Variants in UNC80 observed in about 807,000 individuals in gnomAD.
The protein encoded by UNC80 is protein unc-80 homolog.
In UNC80, 164 loss-of-function variants were observed where a neutral mutation model predicts 384.6. The observed-to-expected ratio is 0.43, with a 90% CI of 0.38 to 0.49. UNC80 has a LOEUF of 0.49. UNC80 is among the 20% of genes least tolerant of loss of function. The pLI is 0.00. For synonymous variants in UNC80, 1,486 were observed against 1,527.8 expected (o/e 0.97, Z 0.64); for missense variants, 3,330 against 4,143.0 (o/e 0.80, Z 5.39).
intron 47 of UNC80, among the ~76,000 whole-genome samples, chr2:209,946,495 G>A (rs1184076989): frequency 6.6e-6 from 1 of 152,110 alleles, no homozygotes; most frequent in Non-Finnish European, 1.5e-5. Flanking sequence ...TTTGAATTTT[G>A]TGCAGATGCT....
In UNC80 at chr2:209,820,171, A is replaced by G. The variant is rs188767895; in HGVS notation, c.1963-140A>G. Reference sequence around the variant, plus strand: ...GATTCCACAGCAACTTTTATAGGAAAATTTGACAGTTGTCTAAATTATTTC... The same window carrying G: ...GATTCCACAGCAACTTTTATAGGAAGATTTGACAGTTGTCTAAATTATTTC... On this transcript the variant is annotated intron_variant, in intron 12 of 64. Transcript: ENST00000673920. The G allele has an allele frequency of 3.6e-5, 47 of 1,297,334 alleles. 1 individual carries two copies. The African/African-American group carries it at 6.0e-4, about 17-fold the overall frequency. The allele number at this position is 1,297,334 out of a possible 1,614,324, so 80.4% of individuals were successfully genotyped here. A position where few individuals can be genotyped will look rare whatever the true frequency, so the allele number is the denominator to read the frequency against.
chr2:209,937,329 T>C (rs533848204), intron 41 of UNC80, among the ~76,000 whole-genome samples, 200 bp from the exon 42 acceptor site: 1 of 152,316 alleles, frequency 6.6e-6, no homozygotes, highest in African/African-American at 2.4e-5. Flanking sequence ...GCTGATCTGA[T>C]CTAATGAGCA....
chr2:209,930,225 T>G (rs1027002664), intron 37 of UNC80, among the ~76,000 whole-genome samples: 1 of 152,136 alleles, frequency 6.6e-6, no homozygotes, highest in African/African-American at 2.4e-5. Context: ...AAGATTAAAT[T>G]AAGTATAATG....
At chr2:209,834,577 T>C (rs999785265) in intron 17 of UNC80, among the ~76,000 whole-genome samples, 5 of 152,234 alleles carry the variant, frequency 3.3e-5, no homozygotes, top group Admixed American at 6.5e-5. Context: ...GATTAAGTAA[T>C]AGCCTGTTGT....
In UNC80 at chr2:209,997,268, G is replaced by A. The variant is rs552019121; in HGVS notation, c.*1673G>A. The A allele has an allele frequency of 1.3e-5, 2 of 152,218 alleles. No individual in the cohort carries two copies. Among genetic ancestry groups the A allele is most frequent in the Non-Finnish European group, 2.9e-5 (2 of 67,982 alleles). 9.4% of individuals were successfully genotyped at this position (152,218 alleles called of 1,614,324 possible). On this transcript the variant is annotated 3_prime_UTR_variant, in exon 65 of 65. Transcript: ENST00000673920. Reference sequence around the variant, plus strand: ...TAAATGACCTCTTTTACTCTTTTATGTTTTACAATATTATCATGTTATTTA... The same window carrying A: ...TAAATGACCTCTTTTACTCTTTTATATTTTACAATATTATCATGTTATTTA...
intron 23 of UNC80, among the ~76,000 whole-genome samples, chr2:209,875,645 A>G (rs971813862): frequency 1.3e-5 from 2 of 152,190 alleles, no homozygotes; most frequent in Non-Finnish European, 2.9e-5. Context: ...GCCTTCCTGT[A>G]CATTATTTCC....
intron 23 of UNC80, among the ~76,000 whole-genome samples, chr2:209,874,261 A>G (rs2084572550): frequency 6.6e-6 from 1 of 152,164 alleles, no homozygotes; most frequent in African/African-American, 2.4e-5. Context: ...AGATACATAG[A>G]GGCACCAGTA....
chr2:209,934,455 G>A (rs1057273196), intron 39 of UNC80, among the ~76,000 whole-genome samples: 5 of 152,180 alleles, frequency 3.3e-5, no homozygotes, highest in Non-Finnish European at 7.4e-5. Flanking sequence ...AGAACATGAA[G>A]CGTGATGTAA....
chr2:209,948,286 C>T (rs920960012), intron 47 of UNC80, among the ~76,000 whole-genome samples: 2 of 152,046 alleles, frequency 1.3e-5, no homozygotes, highest in Non-Finnish European at 2.9e-5. Flanking sequence ...ATTTTCATTC[C>T]CACCAACAGT....
At chr2:209,850,394 A>G (rs1032017850) in intron 22 of UNC80, among the ~76,000 whole-genome samples, 1 of 152,184 alleles carries the variant, frequency 6.6e-6, no homozygotes, top group African/African-American at 2.4e-5. Context: ...ACAAACTGAA[A>G]TAGATTTTTA....
chr2:209,945,327 C>A, intron 46 of UNC80, 138 bp downstream of exon 46: 2 of 889,414 alleles, frequency 2.2e-6, no homozygotes, highest in Non-Finnish European at 3.2e-6. Context: ...ATAAATGGAA[C>A]AGTAGTAGAA....
intron 25 of UNC80, among the ~76,000 whole-genome samples, chr2:209,884,903 G>A (rs907685555): frequency 6.6e-6 from 1 of 152,066 alleles, no homozygotes; most frequent in African/African-American, 2.4e-5. Context: ...GGTGGTGTGG[G>A]GGTGGGGGTT....
intron 61 of UNC80, among the ~76,000 whole-genome samples, chr2:209,985,143 T>G (rs2093259228): frequency 6.6e-6 from 1 of 152,218 alleles, no homozygotes; most frequent in African/African-American, 2.4e-5. Flanking sequence ...CCTGAAAAGC[T>G]TACTTTAAAA....
At position 209,976,947 on chromosome 2, in the gene UNC80, T is replaced by C. The variant is rs1261236399; in HGVS notation, c.8807T>C (p.Leu2936Pro). The C allele has an allele frequency of 2.0e-6, 3 of 1,529,026 alleles. No individual in the cohort carries two copies. Among genetic ancestry groups the C allele is most frequent in the East Asian group, 2.5e-5 (1 of 40,254 alleles). The allele number at this position is 1,529,026 out of a possible 1,614,324, so 94.7% of individuals were successfully genotyped here. The change falls in exon 58 of 65, where the codon CTT becomes CCT. Residue 2936 changes from leucine (L) to proline (P), a missense_variant. Around this residue, in one of 8 missense-constraint regions of UNC80, gnomAD observed 216 missense variants for 245.3 expected, o/e 0.88. Transcript: ENST00000673920. This position sits in a 1 kb window ranked among gnomAD's most constrained non-coding sequence, Gnocchi z 4.3. ...LAQPAENHEE[L>P]SARQHIADQL... Reference sequence around the variant, plus strand: ...CAACCAGCAGAGAATCATGAAGAGCTTTCCGCCCGGCAACATATTGCCGAC... The same window carrying C: ...CAACCAGCAGAGAATCATGAAGAGCCTTCCGCCCGGCAACATATTGCCGAC...
intron 38 of UNC80, 44 bp downstream of exon 38, chr2:209,931,098 A>T (rs2124965854): frequency 7.2e-7 from 1 of 1,390,758 alleles, no homozygotes; most frequent in Non-Finnish European, 9.9e-7. Flanking sequence ...CAGCACCATG[A>T]TGAAAAGGTC....
intron 7 of UNC80, chr2:209,808,767 T>TTCTGCGCTACTCAGCGAGCTCGTTGCC (rs2079105168): frequency 5.1e-5 from 3 of 59,246 alleles, no homozygotes; most frequent in Non-Finnish European, 8.8e-5. Flanking sequence ...CCTGCGCTAC[T>TTCTGCGCTACTCAGCGAGCTCGTTGCC]TCTGCGCTAC....
At chr2:209,840,690 T>C in intron 20 of UNC80, 42 bp downstream of exon 20, 2 of 1,490,036 alleles carry the variant, frequency 1.3e-6, no homozygotes, top group African/African-American at 1.4e-5. Flanking sequence ...TTGAAGTCGC[T>C]GATACAAACA....
intron 8 of UNC80, among the ~76,000 whole-genome samples, chr2:209,814,903 A>C (rs78743719): frequency 6.6e-6 from 1 of 152,130 alleles, no homozygotes; most frequent in Non-Finnish European, 1.5e-5. Flanking sequence ...TTAGTAGTAG[A>C]TATTCTGCCT....
In UNC80 at chr2:209,973,136, G is replaced by A. The variant is rs1466933679; in HGVS notation, c.8453G>A (p.Arg2818Gln). 10 of 1,551,482 alleles carry A rather than the reference G, an allele frequency of 6.4e-6. No homozygotes were observed. Among genetic ancestry groups the A allele is most frequent in the African/African-American group, 1.4e-5 (1 of 73,002 alleles). Residue 2818 changes from arginine to glutamine, a missense_variant, in exon 56 of 65, where the codon CGG (arginine) becomes CAG (glutamine). By Grantham distance (43) the Arg-to-Gln change is conservative. This residue lies in a region of UNC80 where 1,049 missense variants were observed against 1,488.6 expected (regional missense o/e 0.70). Transcript: ENST00000673920. ...QTVINVLLPP[R>Q]IISTSRSKNF... ...GTCATCAATGTACTCCTCCCACCGC[G>A]GATCATCAGCACATCCAGGAGCAAG...
Sources: allele counts gnomAD v4.1 joint callset (sites outside exome capture counted in the v4.1 genomes callset), GRCh38; gene constraint gnomAD v4.1.1; regional missense constraint gnomAD v4.1.1; non-coding constraint Gnocchi (gnomAD v3.1); transcripts MANE v1.5; gene names NCBI Gene and HGNC (gene_info 2026-07-23, HGNC 2026-07-21).